RBFOX1: variants seen among roughly 807,000 people sequenced by gnomAD.
RBFOX1 encodes RNA binding protein fox-1 homolog 1.
Under a neutral mutation model 57.7 loss-of-function variants are expected in RBFOX1, and 8 were observed. That is an observed-to-expected ratio of 0.14 (90% CI 0.08 to 0.25). The LOEUF (loss-of-function observed/expected upper bound fraction) is 0.25. Among genes scored for constraint, RBFOX1 ranks in the 10% least tolerant of loss-of-function variants. The pLI, the probability that RBFOX1 is intolerant of heterozygous loss-of-function variation, is 1.00. For missense variants in RBFOX1, 611 were observed against 548.5 expected, an observed-to-expected ratio of 1.11 and a Z score of -1.14; for synonymous variants, 326 against 222.4, an observed-to-expected ratio of 1.47 and a Z score of -4.15.
chr16:7,581,107 T>C (rs1567941730), intron 6 of RBFOX1, among the ~76,000 whole-genome samples: 2 of 152,166 alleles, frequency 1.3e-5, no homozygotes, highest in African/African-American at 4.8e-5. Context: ...GTGATGCTTA[T>C]CAAGTATGCA....
intron 3 of RBFOX1, among the ~76,000 whole-genome samples, chr16:6,662,147 G>C (rs1213110074): frequency 6.6e-6 from 1 of 151,912 alleles, no homozygotes; most frequent in East Asian, 1.9e-4. Context: ...TGAAAAAAAA[G>C]GGAGGATCTT....
chr16:6,350,151 C>T (rs2086052472), intron 2 of RBFOX1, among the ~76,000 whole-genome samples: 5 of 151,852 alleles, frequency 3.3e-5, no homozygotes, highest in Admixed American at 3.3e-4. Flanking sequence ...ATGAAGAAAT[C>T]GTAAAAAATA....
At chr16:5,319,076 G>A (rs908648572) in intron 1 of RBFOX1, among the ~76,000 whole-genome samples, 4 of 152,136 alleles carry the variant, frequency 2.6e-5, no homozygotes, top group African/African-American at 9.7e-5. Flanking sequence ...GCGGTGAGCC[G>A]AGATCACGCC....
chr16:7,118,157 T>C (rs1432822856), intron 4 of RBFOX1, among the ~76,000 whole-genome samples: 1 of 152,178 alleles, frequency 6.6e-6, no homozygotes, highest in Non-Finnish European at 1.5e-5. Flanking sequence ...ATCTGCATAC[T>C]GTTGCATACT....
chr16:6,693,692 C>CCTT (rs2060593091), intron 3 of RBFOX1, among the ~76,000 whole-genome samples: 1 of 151,646 alleles, frequency 6.6e-6, no homozygotes, highest in East Asian at 2.0e-4. Flanking sequence ...CCACCATCAT[C>CCTT]ATCACCATCA....
In RBFOX1 at chr16:7,063,649, T is replaced by G. The variant is rs549606657; in HGVS notation, c.27+11551T>G. Among the ~76,000 whole-genome samples the G allele has an allele frequency of 2.6e-5, 4 of 152,300 alleles. No homozygotes were observed. In the East Asian group the frequency reaches 7.7e-4, roughly 29 times the overall value. On this transcript the variant is annotated intron_variant, in intron 4 of 15. Transcript: ENST00000550418. ...CTAGGAATGCTATTGGCCCTTCATA[T>G]CTGTAGGTTTCATATTTGCAGATTC...
At chr16:7,183,745 C>A (rs573806294) in intron 4 of RBFOX1, among the ~76,000 whole-genome samples, 9 of 152,170 alleles carry the variant, frequency 5.9e-5, no homozygotes, top group Non-Finnish European at 1.0e-4. Context: ...ACTGTCAGAA[C>A]AAAATTGATA....
intron 4 of RBFOX1, among the ~76,000 whole-genome samples, chr16:5,955,351 T>A (rs868397679): frequency 2.5e-5 from 2 of 78,922 alleles, no homozygotes; most frequent in African/African-American, 5.9e-5. Context: ...TAAAATAAAA[T>A]AAATAAAAAT....
intron 1 of RBFOX1, among the ~76,000 whole-genome samples, chr16:6,212,732 A>C (rs200432180): frequency 1.1e-3 from 6 of 5,610 alleles, no homozygotes; most frequent in African/African-American, 1.5e-3. Flanking sequence ...AACAAACAAA[A>C]AAAAAACCCA....
intron 3 of RBFOX1, among the ~76,000 whole-genome samples, chr16:6,858,566 T>G (rs1308622015): frequency 1.3e-5 from 2 of 152,188 alleles, no homozygotes; most frequent in African/African-American, 4.8e-5. Flanking sequence ...ACAGCTCAAT[T>G]AAAATAGCAG....
At chr16:7,664,669 C>A in intron 12 of RBFOX1, 1 of 550,766 alleles carries the variant, frequency 1.8e-6, no homozygotes, top group Non-Finnish European at 3.2e-6. Context: ...GTACCCACTC[C>A]TGAGAGAGTG....
Position 7,638,219 on chromosome 16 carries a change from T to C in RBFOX1, c.757+7536T>C, listed in dbSNP as rs563187653. On this transcript the variant is annotated intron_variant, in intron 11 of 15. Transcript: ENST00000550418. ...AGTAGTGGTTATTGGGCACTCACTA[T>C]ATGTCAGGCATTGTGCTAAGCCCTT... Among the ~76,000 whole-genome samples, 7 of 152,326 alleles carry C rather than the reference T, an allele frequency of 4.6e-5. No individual in the cohort carries two copies. In the South Asian group the frequency reaches 1.4e-3, roughly 32 times the overall value.
intron 3 of RBFOX1, among the ~76,000 whole-genome samples, chr16:6,782,245 T>C (rs1253507680): frequency 6.6e-6 from 1 of 152,178 alleles, no homozygotes. Flanking sequence ...GACCTCGTGG[T>C]CTGCCCACCT....
At chr16:7,496,430 A>C (rs1476480430) in intron 4 of RBFOX1, among the ~76,000 whole-genome samples, 1 of 152,206 alleles carries the variant, frequency 6.6e-6, no homozygotes, top group Non-Finnish European at 1.5e-5. Flanking sequence ...GGGGTGAGCC[A>C]CTGTGCCTGG....
intron 1 of RBFOX1, among the ~76,000 whole-genome samples, chr16:5,383,092 C>A (rs542139322): frequency 1.3e-5 from 2 of 152,270 alleles, no homozygotes; most frequent in East Asian, 1.9e-4. Context: ...CGGCACAGTC[C>A]GTTATTTGGA....
At chr16:7,393,363 A>T (rs4360958) in intron 4 of RBFOX1, among the ~76,000 whole-genome samples, 1 of 152,144 alleles carries the variant, frequency 6.6e-6, no homozygotes, top group African/African-American at 2.4e-5. Context: ...CTGGATGTCA[A>T]TCCACAAGTT....
intron 1 of RBFOX1, among the ~76,000 whole-genome samples, chr16:5,325,452 C>T (rs578252533): frequency 5.5e-4 from 84 of 152,140 alleles, no homozygotes; most frequent in Non-Finnish European, 8.7e-4. Context: ...TTTAAATTAA[C>T]GTACAGTAAA....
At chr16:7,005,825 C>A (rs2093249991) in intron 3 of RBFOX1, among the ~76,000 whole-genome samples, 1 of 152,208 alleles carries the variant, frequency 6.6e-6, no homozygotes, top group African/African-American at 2.4e-5. Context: ...TGAGTGACTG[C>A]TGCTTCTTCA....
intron 1 of RBFOX1, among the ~76,000 whole-genome samples, chr16:6,193,836 C>G (rs974945067): frequency 2.6e-5 from 4 of 152,078 alleles, no homozygotes; most frequent in African/African-American, 9.7e-5. Flanking sequence ...TTCCTTCATT[C>G]TCCTGGTAAA....
Sources: allele counts gnomAD v4.1 joint callset (sites outside exome capture counted in the v4.1 genomes callset), GRCh38; gene constraint gnomAD v4.1.1; transcripts MANE v1.5; gene names NCBI Gene and HGNC (gene_info 2026-07-23, HGNC 2026-07-21).